The following GPHN variants were observed in gnomAD, a reference collection of about 807,000 sequenced individuals.
GPHN encodes the protein gephyrin.
A neutral mutation model predicts 95.5 loss-of-function variants in GPHN; 17 were observed. The observed-to-expected ratio is 0.18, with a 90% CI of 0.12 to 0.27. The LOEUF (loss-of-function observed/expected upper bound fraction) is 0.27, where lower values mean the gene tolerates loss of function less well. Ranked by LOEUF, GPHN falls within the 10% of genes least tolerant of loss-of-function variation. GPHN has a pLI of 1.00. For synonymous variants in GPHN, 320 were observed against 322.5 expected, an observed-to-expected ratio of 0.99 and a Z score of 0.08; for missense variants, 660 against 978.1, an observed-to-expected ratio of 0.67 and a Z score of 4.34.
At chr14:67,541,859 G>T in the GPHN span, 3 of 1,587,968 alleles carry the variant, frequency 1.9e-6, no homozygotes, top group Non-Finnish European at 2.6e-6. Context: ...TCCAGAAGTC[G>T]ATTCCATCAT....
the GPHN span, among the ~76,000 whole-genome samples, chr14:67,212,308 C>CA: frequency 2.6e-5 from 4 of 151,922 alleles, no homozygotes; most frequent in East Asian, 5.8e-4. Flanking sequence ...GCTCCTCTGA[C>CA]AAAAAATGTA....
At chr14:67,671,546 G>GA in the GPHN span, among the ~76,000 whole-genome samples, 1 of 151,966 alleles carries the variant, frequency 6.6e-6, no homozygotes, top group Non-Finnish European at 1.5e-5. Context: ...AAAAAAGAAA[G>GA]AAAAAAGAAA....
chr14:66,547,788 C>G (rs1259543968), intron 1 of GPHN, among the ~76,000 whole-genome samples: 1 of 152,166 alleles, frequency 6.6e-6, no homozygotes, highest in African/African-American at 2.4e-5. Flanking sequence ...GGTTCATGTA[C>G]TGGTGTGCAT....
At chr14:67,646,945 C>A in the GPHN span, 1 of 1,607,958 alleles carries the variant, frequency 6.2e-7, no homozygotes, top group Non-Finnish European at 8.5e-7. Flanking sequence ...ACTATGATAT[C>A]CAGTATTTTT....
chr14:66,574,901 A>G (rs896790556), intron 1 of GPHN, among the ~76,000 whole-genome samples: 4 of 152,088 alleles, frequency 2.6e-5, no homozygotes, highest in African/African-American at 4.8e-5. Flanking sequence ...CCCCTGTCCT[A>G]TGTTTTCAGG....
At chr14:67,464,708 C>G in the GPHN span, among the ~76,000 whole-genome samples, 1 of 152,204 alleles carries the variant, frequency 6.6e-6, no homozygotes, top group African/African-American at 2.4e-5. Flanking sequence ...TTGGGGCTAC[C>G]CAGTCTAGAG....
chr14:67,575,717 G>T, the GPHN span: 2 of 850,288 alleles, frequency 2.4e-6, no homozygotes, highest in Non-Finnish European at 1.9e-6. Context: ...TCCTGTCATC[G>T]GTCCATATCC....
At chr14:67,293,977 G>T in the GPHN span, among the ~76,000 whole-genome samples, 1 of 152,196 alleles carries the variant, frequency 6.6e-6, no homozygotes, top group East Asian at 1.9e-4. Context: ...AGGGAGAAAA[G>T]AAACAACTTA....
chr14:67,600,841 A>G, the GPHN span, among the ~76,000 whole-genome samples: 1 of 152,272 alleles, frequency 6.6e-6, no homozygotes, highest in Admixed American at 6.5e-5. Flanking sequence ...GGCCTCCCGA[A>G]GTGCTGGGAT....
intron 1 of GPHN, among the ~76,000 whole-genome samples, chr14:66,523,819 A>G (rs1225329277): frequency 6.6e-6 from 1 of 152,136 alleles, no homozygotes; most frequent in Non-Finnish European, 1.5e-5. Context: ...AGCAACCTGT[A>G]CAACTTTTGG....
chr14:67,191,426 A>G, the GPHN span, among the ~76,000 whole-genome samples: 1 of 152,236 alleles, frequency 6.6e-6, no homozygotes, highest in African/African-American at 2.4e-5. Flanking sequence ...TTTTAGGGGC[A>G]TGTACAGACA....
chr14:67,567,476 G>A, the GPHN span, among the ~76,000 whole-genome samples: 17 of 152,166 alleles, frequency 1.1e-4, no homozygotes, highest in South Asian at 3.5e-3. Flanking sequence ...TAAATTCCAT[G>A]ACCACTCTGG....
chr14:67,640,098 C>A, the GPHN span, among the ~76,000 whole-genome samples: 2 of 151,950 alleles, frequency 1.3e-5, no homozygotes, highest in South Asian at 2.1e-4. Flanking sequence ...TTTACTCAAA[C>A]CTTTTTGTCT....
intron 4 of GPHN, among the ~76,000 whole-genome samples, chr14:66,851,557 A>G (rs1270324851): frequency 6.6e-6 from 1 of 152,102 alleles, no homozygotes; most frequent in African/African-American, 2.4e-5. Context: ...TAATACAGCT[A>G]TATTTATTAA....
At chr14:67,199,733 G>A in the GPHN span, 1 of 1,572,668 alleles carries the variant, frequency 6.4e-7, no homozygotes, top group South Asian at 1.1e-5. Context: ...CAATCCTGTG[G>A]TATCATCATT....
chr14:66,814,812 A>G (rs2060899799), intron 3 of GPHN, among the ~76,000 whole-genome samples: 1 of 152,184 alleles, frequency 6.6e-6, no homozygotes, highest in Non-Finnish European at 1.5e-5. Flanking sequence ...CATGGCTCAG[A>G]TGGCTGAAAT....
intron 4 of GPHN, among the ~76,000 whole-genome samples, chr14:66,834,203 T>C (rs1157148036): frequency 6.6e-6 from 1 of 152,184 alleles, no homozygotes; most frequent in Non-Finnish European, 1.5e-5. Context: ...GTTATGTTTC[T>C]CCTTAAGTCC....
chr14:66,944,143 T>G (rs940138326), intron 8 of GPHN, among the ~76,000 whole-genome samples: 2 of 152,248 alleles, frequency 1.3e-5, no homozygotes, highest in African/African-American at 4.8e-5. Context: ...CCGAGCACTC[T>G]TTTTAAGAAT....
chr14:67,418,540 T>A, the GPHN span, among the ~76,000 whole-genome samples: 1 of 152,200 alleles, frequency 6.6e-6, no homozygotes, highest in Non-Finnish European at 1.5e-5. Flanking sequence ...TGAGCACCAT[T>A]GCTTGGTGCC....
Sources: gnomAD v4.1 joint callset for allele counts (sites outside exome capture counted in the v4.1 genomes callset) on GRCh38, gnomAD v4.1.1 for gene constraint, MANE v1.5 for transcripts, NCBI Gene and HGNC (gene_info 2026-07-23, HGNC 2026-07-21) for gene names.